SETX: variants seen among roughly 807,000 people sequenced by gnomAD.
The protein encoded by SETX is senataxin, also known as helicase senataxin.
SETX carries 90 observed loss-of-function variants against 227.2 expected under a neutral mutation model. The ratio of observed to expected loss-of-function variants is 0.40; its 90% CI spans 0.33 to 0.47. The LOEUF (loss-of-function observed/expected upper bound fraction) is 0.47. SETX is among the 20% of genes least tolerant of loss of function. The pLI is 0.91. For missense variants in SETX, 3,052 were observed against 3,181.5 expected (o/e 0.96, Z 0.98); for synonymous variants, 1,210 against 1,113.2 (o/e 1.09, Z -1.73).
At chr9:132,271,479 C>T (rs1209003789) in intron 24 of SETX, among the ~76,000 whole-genome samples, 2 of 152,160 alleles carry the variant, frequency 1.3e-5, no homozygotes, top group South Asian at 2.1e-4. Context: ...GCAGAAGAAT[C>T]GCTTGAACCC....
intron 10 of SETX, among the ~76,000 whole-genome samples, chr9:132,316,152 G>A (rs148479817): frequency 6.6e-6 from 1 of 152,212 alleles, no homozygotes; most frequent in East Asian, 1.9e-4. Flanking sequence ...ACGAGGCTAC[G>A]CAGGAATAAG....
chr9:132,286,733 T>A (rs1033149675), intron 17 of SETX, among the ~76,000 whole-genome samples: 2 of 152,250 alleles, frequency 1.3e-5, no homozygotes, highest in Non-Finnish European at 2.9e-5. Flanking sequence ...ACTGGGAGCA[T>A]CACGCCACCC....
chr9:132,352,606 C>G (rs925074963), intron 2 of SETX, among the ~76,000 whole-genome samples: 1 of 152,186 alleles, frequency 6.6e-6, no homozygotes, highest in Non-Finnish European at 1.5e-5. Flanking sequence ...TAAAAATTAG[C>G]TGGGCATGGT....
intron 2 of SETX, 133 bp from the exon 3 acceptor site, chr9:132,349,568 G>T: frequency 1.2e-6 from 1 of 854,388 alleles, no homozygotes; most frequent in Non-Finnish European, 1.9e-6. Flanking sequence ...TCTTCTGCTG[G>T]CTGGCTTATC....
In SETX at chr9:132,298,295, C is replaced by T. The variant is rs757652780; in HGVS notation, c.5566G>A (p.Glu1856Lys). The T allele has an allele frequency of 3.7e-6, 6 of 1,613,934 alleles. No individual in the cohort carries two copies. In the South Asian group the frequency reaches 6.6e-5, roughly 18 times the overall value. ...RTSVMRNGKT[E>K]CYLSIQTQEN... ...TGAGTCTGGATGGAAAGGTAACACT[C>T]AGTTTTCCCATTACGCACTATCATC... Residue 1856 changes from glutamate to lysine, a missense_variant, in exon 13 of 26, where the codon GAG becomes AAG. By Grantham distance (56) the Glu-to-Lys change is moderately conservative. Transcript: ENST00000224140.
At chr9:132,334,979 T>C (rs1201192263) in intron 6 of SETX, among the ~76,000 whole-genome samples, 1 of 151,974 alleles carries the variant, frequency 6.6e-6, no homozygotes, top group Non-Finnish European at 1.5e-5. Flanking sequence ...ATCTCACCAA[T>C]ATAAGATGCC....
chr9:132,283,044 G>A (rs1843631769), intron 19 of SETX: 1 of 570,922 alleles, frequency 1.8e-6, no homozygotes, highest in African/African-American at 1.9e-5. Context: ...GAAACCATCA[G>A]TCATCCTCAA....
intron 4 of SETX, among the ~76,000 whole-genome samples, chr9:132,343,128 GC>G (rs1288227126): frequency 6.6e-6 from 1 of 152,042 alleles, no homozygotes; most frequent in East Asian, 1.9e-4. Context: ...GAACATCCTG[GC>G]TAACACGGTG....
At position 132,349,443 on chromosome 9, in the gene SETX, C is replaced by A. The variant is rs1234715610; in HGVS notation, c.-7-8G>T. ...CATGTGCTCATTCTGTACCTACAGC[C>A]AGAAAAGATGACATCAAGAAGAAAA... On this transcript the variant is annotated splice_polypyrimidine_tract_variant and splice_region_variant and intron_variant, in intron 2 of 25. Coordinates refer to ENST00000224140, the MANE Select transcript of SETX (RefSeq NM_015046.7). 3 of 1,614,032 alleles carry A rather than the reference C, an allele frequency of 1.9e-6. No individual in the cohort carries two copies. Among genetic ancestry groups the A allele is most frequent in the South Asian group, 2.2e-5 (2 of 91,074 alleles).
intron 22 of SETX, 144 bp from the exon 23 acceptor site, chr9:132,275,564 C>A: frequency 1.5e-6 from 1 of 670,402 alleles, no homozygotes; most frequent in South Asian, 1.8e-5. Context: ...GCAGTGACTC[C>A]AAGAGGCTGT....
chr9:132,354,335 T>G (rs942071884), intron 1 of SETX, among the ~76,000 whole-genome samples: 1 of 151,610 alleles, frequency 6.6e-6, no homozygotes, highest in Non-Finnish European at 1.5e-5. Context: ...CTGCAACACA[T>G]TTTGTTTTTA....
At position 132,327,761 on chromosome 9, in the gene SETX, C is replaced by T. The variant is rs1173255824; in HGVS notation, c.3837G>A (p.Glu1279=). ...VPPKKFRQCP[E]PTSTAEKLGL... is the part of the protein sequence containing the mutation. ...CAAGTTTCTCAGCTGTTGAAGTTGG[C>T]TCAGGACACTGACGAAATTTCTTTG... The change falls in exon 10 of 26, where the codon GAG becomes GAA. Residue 1279 remains glutamate (E), a synonymous_variant. Coordinates refer to ENST00000224140, the MANE Select transcript of SETX (RefSeq NM_015046.7). The T allele has an allele frequency of 3.1e-6, 5 of 1,614,190 alleles. No individual in the cohort carries two copies. The highest frequency in any genetic ancestry group is 3.4e-6 in the Non-Finnish European group (4 of 1,180,042).
chr9:132,339,918 T>C (rs1847858280), intron 5 of SETX, among the ~76,000 whole-genome samples: 1 of 152,162 alleles, frequency 6.6e-6, no homozygotes, highest in Admixed American at 6.6e-5. Context: ...CCCAGCCATA[T>C]CTCCGGTATT....
In SETX at chr9:132,264,753, G is replaced by C. The variant is rs1373360956; in HGVS notation, c.7520C>G (p.Ser2507Cys). Residue 2507 changes from serine to cysteine, a missense_variant, in exon 26 of 26, where the codon TCT becomes TGT. Physicochemically the swap from Ser to Cys is moderately radical, Grantham distance 112. Around this residue, in one of 10 missense-constraint regions of SETX, gnomAD observed 294 missense variants for 278.8 expected, o/e 1.05. Coordinates refer to ENST00000224140, the MANE Select transcript of SETX (RefSeq NM_015046.7). The stretch of plus-strand genomic sequence containing the variant: ...GGAGTCAGAGGGTGTGTGGTATAGA[G>C]AAGCAGCAACAGATGTCTTGGCAAA... ...SGFAKTSVAASLYHTPSDSKE... is the reference protein window; with the variant it reads ...SGFAKTSVAACLYHTPSDSKE... 5.0e-6 allele frequency: 8 copies of C among 1,614,090 alleles called. No homozygotes were observed. Among genetic ancestry groups the C allele is most frequent in the Non-Finnish European group, 6.8e-6 (8 of 1,180,048 alleles).
In SETX at chr9:132,303,522, C is replaced by T. The variant is rs185923360; in HGVS notation, c.5375-2719G>A. On this transcript the variant is annotated intron_variant, in intron 11 of 25. Transcript: ENST00000224140. Reference sequence around the variant, plus strand: ...TACAAAAAGCATTTTGATGGGATGCCATCAAAATCAAAACTTTTGCTCTTC... The same window carrying T: ...TACAAAAAGCATTTTGATGGGATGCTATCAAAATCAAAACTTTTGCTCTTC... Among the ~76,000 whole-genome samples the T allele has an allele frequency of 8.1e-4, 122 of 151,006 alleles. 2 individuals carry two copies. Among genetic ancestry groups the T allele is most frequent in the African/African-American group, 2.6e-3 (106 of 41,212 alleles).
At position 132,296,880 on chromosome 9, in the gene SETX, T is replaced by C. The variant is rs1844702517; in HGVS notation, c.5949+7A>G. The C allele has an allele frequency of 2.5e-6, 4 of 1,614,024 alleles. No individual in the cohort carries two copies. Among genetic ancestry groups the C allele is most frequent in the Non-Finnish European group, 2.5e-6 (3 of 1,179,926 alleles). ...TTAACAGCATCAGTGCCCTCACCCA[T>C]ACCTACCTCTGTCAGTAGACGATAG... is the stretch of plus-strand genomic sequence containing the variant. On this transcript the variant is annotated splice_region_variant and intron_variant, in intron 14 of 25. Transcript: ENST00000224140.
Position 132,336,343 on chromosome 9 carries a change from A to C in SETX, c.671T>G (p.Leu224Arg). 6.2e-7 allele frequency: 1 copy of C among 1,614,132 alleles called. No homozygotes were observed. Residue 224 changes from leucine (L) to arginine (R), a missense_variant, in exon 6 of 26, where the codon CTG (leucine) becomes CGG (arginine). Physicochemically the swap from Leu to Arg is moderately radical, Grantham distance 102. Transcript: ENST00000224140. ...SVLEKGKLIL[L>R]PSHMYDTTNY... is the part of the protein sequence containing the mutation. ...GGTAGTATCATACATGTGTGAGGGC[A>C]GAAGAATCAGTTTACCCTTCTCTAG... is the stretch of plus-strand genomic sequence containing the variant.
At chr9:132,351,329 T>G (rs1044030568) in intron 2 of SETX, among the ~76,000 whole-genome samples, 1 of 152,234 alleles carries the variant, frequency 6.6e-6, no homozygotes. Context: ...AATAAAATGT[T>G]GCATACTTCT....
chr9:132,278,430 C>T (rs570602061), intron 20 of SETX, among the ~76,000 whole-genome samples, 173 bp from the exon 21 acceptor site: 1 of 142,620 alleles, frequency 7.0e-6, no homozygotes, highest in South Asian at 2.3e-4. Context: ...CTCAAAATGC[C>T]ATGAATCTTT....
Sources: allele counts gnomAD v4.1 joint callset (sites outside exome capture counted in the v4.1 genomes callset), GRCh38; gene constraint gnomAD v4.1.1; regional missense constraint gnomAD v4.1.1; transcripts MANE v1.5; gene names NCBI Gene and HGNC (gene_info 2026-07-23, HGNC 2026-07-21).